CD226: variants seen among roughly 807,000 people sequenced by gnomAD.
CD226 encodes the protein CD226 antigen.
In CD226, 24 loss-of-function variants were observed where a neutral mutation model predicts 34.9. That is an observed-to-expected ratio of 0.69 (90% CI 0.50 to 0.97). CD226 has a LOEUF of 0.97. CD226 is among the 50% of genes least tolerant of loss of function. The pLI is 0.00. For synonymous variants in CD226, 148 were observed against 147.4 expected (o/e 1.00, Z -0.03); for missense variants, 397 against 412.7 (o/e 0.96, Z 0.33).
Position 69,927,536 on chromosome 18 carries a change from T to G in CD226, c.382+19198A>C, listed in dbSNP as rs561937646. 5.9e-5 allele frequency among the ~76,000 whole-genome samples: 9 copies of G among 152,282 alleles called. No homozygotes were observed. The South Asian group carries it at 1.0e-3, about 18-fold the overall frequency. ...ATCCTACCCATTAAACAACTCCCTG[T>G]TCTCCCATCCCCCACCCCCGACAAC... On this transcript the variant is annotated intron_variant, in intron 2 of 5. Transcript: ENST00000582621.
intron 2 of CD226, among the ~76,000 whole-genome samples, chr18:69,943,698 G>C (rs1278366683): frequency 6.6e-6 from 1 of 152,116 alleles, no homozygotes; most frequent in Non-Finnish European, 1.5e-5. Context: ...TATCTGCTGG[G>C]ACATACGTGA....
intron 3 of CD226, among the ~76,000 whole-genome samples, chr18:69,886,692 T>G (rs1036849283): frequency 2.7e-5 from 4 of 150,264 alleles, no homozygotes; most frequent in African/African-American, 9.9e-5. Flanking sequence ...GGCAACAGAG[T>G]GAGAACCTGT....
intron 2 of CD226, among the ~76,000 whole-genome samples, chr18:69,933,124 C>T (rs1042951243): frequency 5.3e-5 from 8 of 152,160 alleles, no homozygotes; most frequent in Non-Finnish European, 1.0e-4. Context: ...TGCCTGTTTT[C>T]GTGTCTCCTA....
At chr18:69,923,522 T>C (rs1448889230) in intron 2 of CD226, among the ~76,000 whole-genome samples, 1 of 152,160 alleles carries the variant, frequency 6.6e-6, no homozygotes, top group East Asian at 1.9e-4. Context: ...ATCTGAGAAC[T>C]GACCAATGGA....
intron 4 of CD226, among the ~76,000 whole-genome samples, chr18:69,870,424 A>G (rs531575876): frequency 6.6e-6 from 1 of 151,456 alleles, no homozygotes; most frequent in African/African-American, 2.4e-5. Context: ...ACAGGCACCC[A>G]CCACCACGCC....
chr18:69,912,029 T>C (rs1400474927), intron 2 of CD226, among the ~76,000 whole-genome samples: 1 of 152,236 alleles, frequency 6.6e-6, no homozygotes, highest in Non-Finnish European at 1.5e-5. Flanking sequence ...TACTTTAAGT[T>C]CTAGGGTACA....
At chr18:69,878,930 G>C (rs552589139) in intron 3 of CD226, among the ~76,000 whole-genome samples, 1 of 152,114 alleles carries the variant, frequency 6.6e-6, no homozygotes, top group Non-Finnish European at 1.5e-5. Context: ...GAGAAATAAA[G>C]GGAAAGAGTA....
rs1380832769 is a variant in CD226, at chr18:69,929,264, G to A, written c.382+17470C>T. ...TTGGTCAAATGAAATGGGTGTTACA[G>A]GCCACTTGTTTGCAAACTGTGGTGT... On this transcript the variant is annotated intron_variant, in intron 2 of 5. Transcript: ENST00000582621. Among the ~76,000 whole-genome samples the A allele has an allele frequency of 7.2e-5, 11 of 152,172 alleles. No homozygotes were observed. In the East Asian group the frequency reaches 2.1e-3, roughly 29 times the overall value.
upstream of CD226, among the ~76,000 whole-genome samples, chr18:69,950,396 C>A (rs115243650): frequency 6.6e-6 from 1 of 152,174 alleles, no homozygotes; most frequent in African/African-American, 2.4e-5. Context: ...AGACAGACAT[C>A]AGACGAACAT....
chr18:69,882,676 T>G (rs1021870200), intron 3 of CD226, among the ~76,000 whole-genome samples: 1 of 152,200 alleles, frequency 6.6e-6, no homozygotes, highest in Non-Finnish European at 1.5e-5. Flanking sequence ...GCTTCAAAAG[T>G]CAGAATGTCA....
At chr18:69,878,180 A>C (rs1983994568) in intron 3 of CD226, among the ~76,000 whole-genome samples, 1 of 152,230 alleles carries the variant, frequency 6.6e-6, no homozygotes, top group South Asian at 2.1e-4. Flanking sequence ...TTTTCTTTAA[A>C]AAAGAAGAAT....
chr18:69,856,679 A>G lies in CD226; in HGVS notation c.*7635T>C, dbSNP rs2145156479. Reference sequence around the variant, plus strand: ...AGTAGAAAAATCCCAAAATATATAGAGATTAAACAACACATTGTAAATAAT... The same window carrying G: ...AGTAGAAAAATCCCAAAATATATAGGGATTAAACAACACATTGTAAATAAT... On this transcript the variant is annotated 3_prime_UTR_variant, in exon 6 of 6. Coordinates refer to ENST00000582621, the MANE Select transcript of CD226 (RefSeq NM_001303618.2). 1 of 152,208 alleles carries G rather than the reference A, an allele frequency of 6.6e-6. No homozygotes were observed. The highest frequency in any genetic ancestry group is 1.9e-4 in the East Asian group (1 of 5,200). 9.4% of individuals were successfully genotyped at this position (152,208 alleles called of 1,614,324 possible).
chr18:69,891,518 T>C (rs1333494101), intron 3 of CD226, among the ~76,000 whole-genome samples: 1 of 152,148 alleles, frequency 6.6e-6, no homozygotes, highest in Admixed American at 6.5e-5. Flanking sequence ...ACAAAAGGCA[T>C]TCAAATCAGA....
At chr18:69,927,334 G>A (rs1463534856) in intron 2 of CD226, among the ~76,000 whole-genome samples, 2 of 150,570 alleles carry the variant, frequency 1.3e-5, no homozygotes, top group African/African-American at 2.4e-5. Context: ...AAGGTACTTT[G>A]TTATAGCAGC....
chr18:69,955,370 G>C (rs766232599), intron 1 of CD226, among the ~76,000 whole-genome samples: 5 of 152,194 alleles, frequency 3.3e-5, no homozygotes, highest in Non-Finnish European at 7.3e-5. Flanking sequence ...GATACCTTTC[G>C]ACACTTGCTT....
chr18:69,923,953 CAA>C (rs558900004), intron 2 of CD226, among the ~76,000 whole-genome samples: 8 of 74,462 alleles, frequency 1.1e-4, no homozygotes, highest in African/African-American at 1.8e-4. Flanking sequence ...GACTCCGTCT[CAA>C]AAAAAAAAAA....
chr18:69,877,149 C>T (rs992814682), intron 3 of CD226, among the ~76,000 whole-genome samples: 18 of 152,070 alleles, frequency 1.2e-4, no homozygotes, highest in Non-Finnish European at 1.8e-4. Flanking sequence ...CAGGCGTGAG[C>T]CACCGTGCCC....
chr18:69,900,896 AT>A (rs1268602211), intron 2 of CD226, among the ~76,000 whole-genome samples: 1 of 152,190 alleles, frequency 6.6e-6, no homozygotes, highest in East Asian at 1.9e-4. Context: ...ATTAAGAAAT[AT>A]ATTTAAAATA....
chr18:69,907,638 G>A (rs1347333818), intron 2 of CD226, among the ~76,000 whole-genome samples: 1 of 152,126 alleles, frequency 6.6e-6, no homozygotes, highest in African/African-American at 2.4e-5. Flanking sequence ...AACATGACCT[G>A]AGTCAATGAA....
Sources: gnomAD v4.1 joint callset for allele counts (sites outside exome capture counted in the v4.1 genomes callset) on GRCh38, gnomAD v4.1.1 for gene constraint, MANE v1.5 for transcripts, NCBI Gene and HGNC (gene_info 2026-07-23, HGNC 2026-07-21) for gene names.